Variants in EYA2 observed in about 807,000 individuals in gnomAD.
The protein encoded by EYA2 is protein phosphatase EYA2.
In EYA2, 31 loss-of-function variants were observed where a neutral mutation model predicts 69.2. That is an observed-to-expected ratio of 0.45 (90% CI 0.34 to 0.60). EYA2 has a LOEUF of 0.60. EYA2 is among the 20% of genes least tolerant of loss of function. The pLI is 0.02. For missense variants in EYA2, 622 were observed against 701.2 expected, an observed-to-expected ratio of 0.89 and a Z score of 1.28; for synonymous variants, 257 against 279.4, an observed-to-expected ratio of 0.92 and a Z score of 0.80.
At chr20:47,077,911 A>G (rs189374295) in intron 7 of EYA2, among the ~76,000 whole-genome samples, 87 of 152,350 alleles carry the variant, frequency 5.7e-4, no homozygotes, top group Admixed American at 1.1e-3. Context: ...GGAGATAAAA[A>G]CAAAACATTG....
intron 5 of EYA2, among the ~76,000 whole-genome samples, chr20:47,067,198 T>C (rs1400576361): frequency 6.6e-6 from 1 of 152,200 alleles, no homozygotes; most frequent in Non-Finnish European, 1.5e-5. Flanking sequence ...AGAAGGTTCA[T>C]GCAAAAGAAA....
intron 1 of EYA2, chr20:46,978,461 A>G (rs1293511365): frequency 9.3e-6 from 4 of 429,796 alleles, no homozygotes; most frequent in Non-Finnish European, 1.5e-5. Context: ...AGTTCCAGGC[A>G]GAGGGAACAG....
At chr20:47,138,229 A>AGGCTATTCCAGACTTTTCTGC in intron 9 of EYA2, among the ~76,000 whole-genome samples, 1 of 151,984 alleles carries the variant, frequency 6.6e-6, no homozygotes, top group South Asian at 2.1e-4. Context: ...TGCTTTTCTG[A>AGGCTATTCCAGACTTTTCTGC]GGCTATTCCA....
chr20:47,043,543 G>A (rs868212358), intron 5 of EYA2, among the ~76,000 whole-genome samples: 1 of 152,142 alleles, frequency 6.6e-6, no homozygotes, highest in African/African-American at 2.4e-5. Context: ...TCAGAAGGTG[G>A]TGTTTATCCT....
chr20:47,103,058 C>G (rs1453375064), intron 9 of EYA2, among the ~76,000 whole-genome samples: 1 of 152,216 alleles, frequency 6.6e-6, no homozygotes, highest in Non-Finnish European at 1.5e-5. Context: ...ATATGAAGCT[C>G]AACTCCAGGA....
At chr20:47,133,008 T>C (rs1043734097) in intron 9 of EYA2, among the ~76,000 whole-genome samples, 1 of 152,194 alleles carries the variant, frequency 6.6e-6, no homozygotes, top group Non-Finnish European at 1.5e-5. Context: ...AATTGGCACG[T>C]TGCATGCTGA....
At chr20:47,018,883 C>G (rs539384204) in intron 5 of EYA2, among the ~76,000 whole-genome samples, 1 of 152,276 alleles carries the variant, frequency 6.6e-6, no homozygotes, top group South Asian at 2.1e-4. Flanking sequence ...GGTGCCACTT[C>G]CTCTAAATGA....
chr20:46,946,500 A>C (rs1978465421), intron 1 of EYA2, among the ~76,000 whole-genome samples: 1 of 152,192 alleles, frequency 6.6e-6, no homozygotes, highest in South Asian at 2.1e-4. Context: ...ACTTTTCTGG[A>C]CATGACCCTG....
chr20:47,081,120 C>A (rs6063067), intron 7 of EYA2, among the ~76,000 whole-genome samples: 1 of 152,102 alleles, frequency 6.6e-6, no homozygotes, highest in Non-Finnish European at 1.5e-5. Flanking sequence ...GAACTGAGTT[C>A]TCCATTAATG....
chr20:46,924,669 C>CAAAAAAAAAA (rs10568771), intron 1 of EYA2, among the ~76,000 whole-genome samples: 23 of 88,352 alleles, frequency 2.6e-4, no homozygotes, highest in African/African-American at 1.3e-3. Flanking sequence ...GACTCCATCT[C>CAAAAAAAAAA]AAAAAAAAAA....
At chr20:46,968,094 C>T (rs1490497786) in intron 1 of EYA2, among the ~76,000 whole-genome samples, 1 of 152,178 alleles carries the variant, frequency 6.6e-6, no homozygotes, top group African/African-American at 2.4e-5. Context: ...AGCCTCTTTT[C>T]CCACTTTCTT....
intron 1 of EYA2, among the ~76,000 whole-genome samples, chr20:46,985,716 G>A (rs748496659): frequency 1.6e-4 from 24 of 152,150 alleles, no homozygotes; most frequent in African/African-American, 4.3e-4. Flanking sequence ...TAATTGGGCC[G>A]CCACTGTTCA....
At chr20:47,100,536 T>A (rs556547777) in intron 9 of EYA2, among the ~76,000 whole-genome samples, 1 of 152,338 alleles carries the variant, frequency 6.6e-6, no homozygotes, top group Non-Finnish European at 1.5e-5. Context: ...GATCATCATG[T>A]CCAGTTAGTC....
chr20:46,996,372 G>A (rs940557406), intron 2 of EYA2, among the ~76,000 whole-genome samples: 1 of 152,150 alleles, frequency 6.6e-6, no homozygotes, highest in Non-Finnish European at 1.5e-5. Flanking sequence ...GCTTAGTGAT[G>A]TGTAGTTTTG....
intron 2 of EYA2, among the ~76,000 whole-genome samples, chr20:46,996,795 G>A (rs1454456647): frequency 6.6e-6 from 1 of 152,086 alleles, no homozygotes; most frequent in African/African-American, 2.4e-5. Context: ...GAGGCCTCAG[G>A]AAACTTACAG....
At chr20:47,155,238 T>C (rs977245804) in intron 10 of EYA2, among the ~76,000 whole-genome samples, 5 of 152,070 alleles carry the variant, frequency 3.3e-5, no homozygotes, top group Admixed American at 3.3e-4. Context: ...TTATGCAAAG[T>C]AAAACTCACA....
intron 10 of EYA2, among the ~76,000 whole-genome samples, chr20:47,153,395 C>T (rs1042122348): frequency 3.3e-5 from 5 of 151,738 alleles, no homozygotes; most frequent in Non-Finnish European, 7.4e-5. Context: ...AATCCTAGCA[C>T]TTTTGGAGGC....
At chr20:47,002,549 T>A (rs1982445885) in intron 3 of EYA2, among the ~76,000 whole-genome samples, 1 of 152,252 alleles carries the variant, frequency 6.6e-6, no homozygotes, top group Non-Finnish European at 1.5e-5. Context: ...TTCCTTTTTA[T>A]GGCTGCATAG....
chr20:47,013,862 C>CA (rs1983239328), intron 4 of EYA2, among the ~76,000 whole-genome samples: 1 of 152,148 alleles, frequency 6.6e-6, no homozygotes, highest in Admixed American at 6.5e-5. Flanking sequence ...TTGTTGCTGC[C>CA]ATCATTGTTG....
Sources: allele counts gnomAD v4.1 joint callset (sites outside exome capture counted in the v4.1 genomes callset), GRCh38; gene constraint gnomAD v4.1.1; transcripts MANE v1.5; gene names NCBI Gene and HGNC (gene_info 2026-07-23, HGNC 2026-07-21).